The following DNAH14 variants were observed in gnomAD, a reference collection of about 807,000 sequenced individuals.
The protein encoded by DNAH14 is axonemal beta dynein heavy chain 14.
A neutral mutation model predicts 520.9 loss-of-function variants in DNAH14; 478 were observed. That is an observed-to-expected ratio of 0.92 (90% confidence interval 0.85 to 0.99). The LOEUF is 0.99. DNAH14 is among the 50% of genes least tolerant of loss of function. DNAH14 has a pLI of 0.00. For synonymous variants in DNAH14, 1,581 were observed against 1,757.2 expected (o/e 0.90, Z 2.51); for missense variants, 4,831 against 5,234.5 (o/e 0.92, Z 2.38).
rs1420747447 is a variant in DNAH14, at chr1:225,181,044, A to T, written c.5536-4247A>T. 2.0e-5 allele frequency among the ~76,000 whole-genome samples: 3 copies of T among 152,048 alleles called. No individual in the cohort carries two copies. The South Asian group carries it at 6.2e-4, about 32-fold the overall frequency. On this transcript the variant is annotated intron_variant, in intron 36 of 85. Transcript: ENST00000682510. The stretch of plus-strand genomic sequence containing the variant: ...AAATTTCTGCCCATGTGTACTTAAG[A>T]TTTACCTGTTACTTGTAAGTGAGAA...
At chr1:225,338,433 G>A (rs2095107617) in intron 68 of DNAH14, 2 of 624,258 alleles carry the variant, frequency 3.2e-6, no homozygotes, top group African/African-American at 1.8e-5. Context: ...GTTTTATGAG[G>A]AGTCTTCAGA....
chr1:225,364,757 C>A, intron 75 of DNAH14, 35 bp from the exon 76 acceptor site: 1 of 1,425,566 alleles, frequency 7.0e-7, no homozygotes, highest in Non-Finnish European at 9.4e-7. Context: ...TTACATTTTT[C>A]ACATTAAAAT....
At chr1:225,153,702 T>G (rs1266262721) in intron 33 of DNAH14, 48 bp from the exon 34 acceptor site, 3 of 1,370,514 alleles carry the variant, frequency 2.2e-6, no homozygotes, top group East Asian at 2.5e-5. Flanking sequence ...TGTTTTCATA[T>G]TTTTTCTTTA....
intron 12 of DNAH14, among the ~76,000 whole-genome samples, chr1:225,039,198 A>G (rs2067228360): frequency 6.6e-6 from 1 of 151,408 alleles, no homozygotes. Context: ...AAAAAAGGGA[A>G]TGCAGGAGTG....
chr1:225,313,001 A>C (rs763746284), intron 60 of DNAH14, among the ~76,000 whole-genome samples: 3 of 152,174 alleles, frequency 2.0e-5, no homozygotes, highest in Non-Finnish European at 4.4e-5. Flanking sequence ...TGTTCAAAAT[A>C]GTTTCAGAAG....
chr1:225,395,949 G>A (rs1000524765), intron 84 of DNAH14: 4 of 151,688 alleles, frequency 2.6e-5, no homozygotes, highest in African/African-American at 9.7e-5. Flanking sequence ...GGAACTGGGA[G>A]AGTTTGTCCT....
Position 224,929,720 on chromosome 1 carries a change from G to A in DNAH14, c.-149G>A. ...AGGCGTCGGAGCCTGGCGTGGTAGG[G>A]CTGTGCTGCGCGGTCCTTCCCATTC... On this transcript the variant is annotated 5_prime_UTR_variant, in exon 1 of 86. Coordinates refer to ENST00000682510, the MANE Select transcript of DNAH14 (RefSeq NM_001367479.1). 1 of 702,400 alleles carries A rather than the reference G, an allele frequency of 1.4e-6. No homozygotes were observed. Among genetic ancestry groups the A allele is most frequent in the Non-Finnish European group, 2.6e-6 (1 of 384,842 alleles). 43.5% of individuals were successfully genotyped at this position (702,400 alleles called of 1,614,324 possible).
intron 1 of DNAH14, among the ~76,000 whole-genome samples, chr1:224,948,650 C>G (rs560422195): frequency 3.9e-5 from 6 of 152,084 alleles, no homozygotes; most frequent in Non-Finnish European, 7.4e-5. Context: ...TCTGTCTCCT[C>G]TTAGATGGGT....
intron 83 of DNAH14, 71 bp downstream of exon 83, chr1:225,389,944 A>G: frequency 7.2e-7 from 1 of 1,392,484 alleles, no homozygotes; most frequent in South Asian, 1.3e-5. Flanking sequence ...TCTGTCACTC[A>G]CCCTTTCCTC....
At chr1:225,334,583 C>T (rs1257767594) in intron 66 of DNAH14, among the ~76,000 whole-genome samples, 2 of 152,134 alleles carry the variant, frequency 1.3e-5, no homozygotes, top group African/African-American at 4.8e-5. Flanking sequence ...ACACTATTAG[C>T]AAACCCAAGA....
At chr1:225,369,870 A>C (rs1192453840) in intron 77 of DNAH14, among the ~76,000 whole-genome samples, 3 of 152,134 alleles carry the variant, frequency 2.0e-5, no homozygotes, top group Non-Finnish European at 4.4e-5. Flanking sequence ...ACTCTAGATA[A>C]CCTTTTATCA....
intron 1 of DNAH14, among the ~76,000 whole-genome samples, chr1:224,941,760 T>C (rs1428830190): frequency 3.9e-5 from 6 of 152,230 alleles, no homozygotes; most frequent in Middle Eastern, 3.2e-3. Context: ...ATTTATTAAA[T>C]AGGGAATCCT....
At chr1:225,139,968 T>C (rs2079284718) in intron 27 of DNAH14, among the ~76,000 whole-genome samples, 1 of 152,214 alleles carries the variant, frequency 6.6e-6, no homozygotes, top group Admixed American at 6.5e-5. Flanking sequence ...TTCTGTTGCA[T>C]GTAACCAAGA....
At chr1:224,980,211 G>A (rs2062161968) in intron 8 of DNAH14, among the ~76,000 whole-genome samples, 1 of 152,190 alleles carries the variant, frequency 6.6e-6, no homozygotes, top group South Asian at 2.1e-4. Flanking sequence ...CCAAGCCTTG[G>A]TTCTTGGATG....
intron 8 of DNAH14, among the ~76,000 whole-genome samples, chr1:224,999,678 T>C (rs1013001825): frequency 6.6e-6 from 1 of 152,156 alleles, no homozygotes; most frequent in Non-Finnish European, 1.5e-5. Flanking sequence ...GCCTTGAACA[T>C]TTTTAAGAAT....
At chr1:225,369,138 GA>G (rs1177216055) in intron 77 of DNAH14, among the ~76,000 whole-genome samples, 13 of 150,242 alleles carry the variant, frequency 8.7e-5, no homozygotes, top group South Asian at 6.3e-4. Flanking sequence ...AATTAACAAA[GA>G]AAAAAAGAAA....
chr1:225,102,813 G>A (rs1273902733), intron 23 of DNAH14, among the ~76,000 whole-genome samples: 1 of 152,012 alleles, frequency 6.6e-6, no homozygotes, highest in Non-Finnish European at 1.5e-5. Context: ...TGAGTAGATT[G>A]CAAAAATTTT....
intron 66 of DNAH14, among the ~76,000 whole-genome samples, chr1:225,336,054 C>T (rs200092760): frequency 2.9e-5 from 2 of 69,148 alleles, no homozygotes; most frequent in Admixed American, 3.0e-4. Context: ...TGCATATATA[C>T]ATATATGTAT....
At chr1:224,933,038 A>G (rs1405851630) in intron 1 of DNAH14, among the ~76,000 whole-genome samples, 1 of 151,984 alleles carries the variant, frequency 6.6e-6, no homozygotes, top group African/African-American at 2.4e-5. Flanking sequence ...CATTTAAATG[A>G]TATTAATTCT....
Sources: gnomAD v4.1 joint callset for allele counts (sites outside exome capture counted in the v4.1 genomes callset) on GRCh38, gnomAD v4.1.1 for gene constraint, MANE v1.5 for transcripts, NCBI Gene and HGNC (gene_info 2026-07-23, HGNC 2026-07-21) for gene names.